The following SNX29 variants were observed in gnomAD, a reference collection of about 807,000 sequenced individuals.
SNX29 encodes the protein sorting nexin 29.
SNX29 carries 78 observed loss-of-function variants against 102.1 expected under a neutral mutation model. The ratio of observed to expected loss-of-function variants is 0.76; its 90% CI spans 0.64 to 0.92. The LOEUF is 0.92. Among genes scored for constraint, SNX29 ranks in the 40% least tolerant of loss-of-function variants. SNX29 has a pLI of 0.00. For synonymous variants in SNX29, 580 were observed against 414.5 expected (o/e 1.40, Z -4.85); for missense variants, 1,280 against 1,061.7 (o/e 1.21, Z -2.86).
chr16:12,548,543 T>C (rs531849488), intron 20 of SNX29, among the ~76,000 whole-genome samples: 1 of 152,272 alleles, frequency 6.6e-6, no homozygotes, highest in South Asian at 2.1e-4. Flanking sequence ...TTCTGGGAAT[T>C]CCCTCTAGGG....
intron 18 of SNX29, among the ~76,000 whole-genome samples, chr16:12,410,157 G>A (rs944088210): frequency 1.3e-5 from 2 of 151,954 alleles, no homozygotes; most frequent in African/African-American, 4.8e-5. Flanking sequence ...ACCACGCCTG[G>A]CTAATTTTTT....
At chr16:12,513,083 C>A (rs1257706596) in intron 19 of SNX29, among the ~76,000 whole-genome samples, 1 of 152,076 alleles carries the variant, frequency 6.6e-6, no homozygotes, top group East Asian at 1.9e-4. Flanking sequence ...TGACATGCAT[C>A]CTGCCCTGCG....
chr16:12,381,122 C>T (rs2083117533), intron 16 of SNX29, among the ~76,000 whole-genome samples: 1 of 30,848 alleles, frequency 3.2e-5, no homozygotes, highest in Admixed American at 3.0e-4. Flanking sequence ...CACCATCCAT[C>T]CACCCACCCA....
intron 16 of SNX29, among the ~76,000 whole-genome samples, chr16:12,396,419 G>A (rs571353287): frequency 2.6e-5 from 4 of 152,282 alleles, no homozygotes; most frequent in South Asian, 2.1e-4. Context: ...TAAAGGCGGT[G>A]GCGATTGTGT....
chr16:12,410,814 T>C (rs1376610007), intron 18 of SNX29, among the ~76,000 whole-genome samples: 1 of 152,236 alleles, frequency 6.6e-6, no homozygotes, highest in Non-Finnish European at 1.5e-5. Flanking sequence ...TTTATATTAA[T>C]AATAGATCAC....
chr16:12,563,702 G>C (rs946983840), intron 20 of SNX29, among the ~76,000 whole-genome samples: 13 of 152,170 alleles, frequency 8.5e-5, no homozygotes, highest in Non-Finnish European at 1.0e-4. Context: ...TCATGTAAGA[G>C]GAACATGAGG....
At position 12,101,290 on chromosome 16, in the gene SNX29, GC is replaced by G. The variant is rs1161469729; in HGVS notation, c.1402+22383del. 3.6e-4 allele frequency among the ~76,000 whole-genome samples: 40 copies of G among 112,030 alleles called. 2 individuals carry two copies. The highest frequency in any genetic ancestry group is 1.3e-3 in the Admixed American group (14 of 11,176). 73.5% of individuals were successfully genotyped at this position (112,030 alleles called of 152,430 possible). On this transcript the variant is annotated intron_variant, in intron 11 of 20. Coordinates refer to ENST00000566228, the MANE Select transcript of SNX29 (RefSeq NM_032167.5). ...CTGGGTGTCCTAATGTACCTTTGTG[GC>G]CCCCCCCAACTTTTTTTTTTTTTTT...
chr16:12,466,219 A>G (rs563540791), intron 18 of SNX29, among the ~76,000 whole-genome samples: 3 of 152,330 alleles, frequency 2.0e-5, no homozygotes, highest in Admixed American at 1.3e-4. Flanking sequence ...CTATTTGCAG[A>G]TGATATCATG....
chr16:12,379,247 C>T (rs2082989906), intron 16 of SNX29, among the ~76,000 whole-genome samples: 1 of 152,154 alleles, frequency 6.6e-6, no homozygotes, highest in Admixed American at 6.5e-5. Flanking sequence ...AATTATCCTC[C>T]CACTTCAGGC....
At position 12,196,134 on chromosome 16, in the gene SNX29, C is replaced by T. The variant is rs539140494; in HGVS notation, c.1596-3467C>T. ...GGGACAACAGGTGCATGCCACCACA[C>T]CCAGCTAATCTTTGCATTTTTTGTA... is the stretch of plus-strand genomic sequence containing the variant. On this transcript the variant is annotated intron_variant, in intron 13 of 20. Coordinates refer to ENST00000566228, the MANE Select transcript of SNX29 (RefSeq NM_032167.5). Among the ~76,000 whole-genome samples the T allele has an allele frequency of 1.4e-4, 22 of 152,100 alleles. No homozygotes were observed. In the East Asian group the frequency reaches 4.1e-3, roughly 28 times the overall value.
chr16:12,206,814 G>GTTTTTT lies in SNX29; in HGVS notation c.1678+7146_1678+7151dup, dbSNP rs71139583. ...AAAAATCAGTAGTGGGAATGAGGTG[G>GTTTTTT]TTTTTTTTTTTTTTTTTTTTAAAGC... On this transcript the variant is annotated intron_variant, in intron 14 of 20. Coordinates refer to ENST00000566228, the MANE Select transcript of SNX29 (RefSeq NM_032167.5). Among the ~76,000 whole-genome samples the GTTTTTT allele has an allele frequency of 7.8e-3, 943 of 121,552 alleles. 16 individuals are homozygous for GTTTTTT. The highest frequency in any genetic ancestry group is 0.011 in the Non-Finnish European group (678 of 59,512). 79.7% of individuals were successfully genotyped at this position (121,552 alleles called of 152,430 possible).
chr16:12,102,446 A>G lies in SNX29; in HGVS notation c.1402+23531A>G, dbSNP rs538204183. Among the ~76,000 whole-genome samples the G allele has an allele frequency of 7.5e-4, 114 of 152,298 alleles. 3 individuals carry two copies. The highest frequency in any genetic ancestry group is 1.0e-3 in the Non-Finnish European group (69 of 68,026). ...AGTGTCTGTTGTTTCCTGACTTTTT[A>G]ATGATCGCCATTCTAACTGGCGTGA... On this transcript the variant is annotated intron_variant, in intron 11 of 20. Transcript: ENST00000566228.
intron 11 of SNX29, among the ~76,000 whole-genome samples, chr16:12,079,254 T>G (rs2051741544): frequency 6.6e-6 from 1 of 152,262 alleles, no homozygotes; most frequent in African/African-American, 2.4e-5. Context: ...AAGGACTCAT[T>G]TTTGTAAGTG....
At chr16:12,031,749 G>A (rs1299066744) in intron 4 of SNX29, among the ~76,000 whole-genome samples, 5 of 152,024 alleles carry the variant, frequency 3.3e-5, no homozygotes, top group Non-Finnish European at 7.4e-5. Context: ...AGCTTGCAGT[G>A]AGCCGAGATC....
intron 20 of SNX29, among the ~76,000 whole-genome samples, chr16:12,564,173 A>C (rs2078889803): frequency 6.6e-6 from 1 of 152,082 alleles, no homozygotes; most frequent in African/African-American, 2.4e-5. Context: ...GGATTGCTTG[A>C]GTTCAGGAGT....
intron 20 of SNX29, among the ~76,000 whole-genome samples, chr16:12,562,534 A>C (rs1383190609): frequency 2.0e-5 from 3 of 152,176 alleles, no homozygotes; most frequent in East Asian, 3.9e-4. Context: ...TGAATGACAC[A>C]GCCAGGAGTC....
chr16:12,250,322 C>A (rs900317802), intron 14 of SNX29, among the ~76,000 whole-genome samples: 1 of 152,210 alleles, frequency 6.6e-6, no homozygotes, highest in African/African-American at 2.4e-5. Flanking sequence ...AATTTTCAGT[C>A]TGTAGAAATG....
At chr16:12,331,930 C>G (rs1199314359) in intron 15 of SNX29, among the ~76,000 whole-genome samples, 1 of 152,094 alleles carries the variant, frequency 6.6e-6, no homozygotes, top group African/African-American at 2.4e-5. Context: ...AGTGGTGGCG[C>G]ACGCCTGTAG....
intron 14 of SNX29, among the ~76,000 whole-genome samples, chr16:12,246,991 T>A (rs936130258): frequency 1.3e-5 from 2 of 152,106 alleles, no homozygotes; most frequent in African/African-American, 2.4e-5. Context: ...AAGAGGCCTG[T>A]GTTGCTAGAA....
Sources: gnomAD v4.1 joint callset for allele counts (sites outside exome capture counted in the v4.1 genomes callset) on GRCh38, gnomAD v4.1.1 for gene constraint, MANE v1.5 for transcripts, NCBI Gene and HGNC (gene_info 2026-07-23, HGNC 2026-07-21) for gene names.